GFM1: variants seen among roughly 807,000 people sequenced by gnomAD.
GFM1 encodes elongation factor G, mitochondrial.
GFM1 carries 62 observed loss-of-function variants against 96.2 expected under a neutral mutation model. The observed-to-expected ratio is 0.64, with a 90% confidence interval of 0.53 to 0.80. The LOEUF (loss-of-function observed/expected upper bound fraction) is 0.80. Ranked by LOEUF, GFM1 falls within the 30% of genes least tolerant of loss-of-function variation. The pLI is 0.00. For synonymous variants in GFM1, 282 were observed against 312.9 expected (o/e 0.90, Z 1.04); for missense variants, 852 against 916.6 (o/e 0.93, Z 0.91).
intron 8 of GFM1, among the ~76,000 whole-genome samples, chr3:158,658,040 C>G (rs1379145610): frequency 6.6e-6 from 1 of 151,768 alleles, no homozygotes; most frequent in African/African-American, 2.4e-5. Flanking sequence ...TTTAAAATTT[C>G]CTGTTGGGAT....
At chr3:158,665,774 C>T (rs548853538) in intron 12 of GFM1, among the ~76,000 whole-genome samples, 1 of 152,276 alleles carries the variant, frequency 6.6e-6, no homozygotes, top group South Asian at 2.1e-4. Context: ...AAATCCTGGT[C>T]CAAGCCTTAG....
At chr3:158,654,339 A>G (rs1393949311) in intron 7 of GFM1, among the ~76,000 whole-genome samples, 2 of 147,864 alleles carry the variant, frequency 1.4e-5, no homozygotes, top group African/African-American at 5.0e-5. Context: ...TCTGTTTCCC[A>G]AAGTGTGGGC....
chr3:158,646,882 TCTAA>T lies in GFM1; in HGVS notation c.510_513del (p.Thr171LeufsTer19). 6.2e-7 allele frequency: 1 copy of T among 1,614,154 alleles called. No individual in the cohort carries two copies. Among genetic ancestry groups the T allele is most frequent in the Non-Finnish European group, 8.5e-7 (1 of 1,180,044 alleles). Reference sequence around the variant, plus strand: ...AGATGAAGCGCTACAACGTTCCGTTTCTAACTTTTATTAACAAATTGGACCGAAT... The same window carrying T: ...AGATGAAGCGCTACAACGTTCCGTTTCTTTTATTAACAAATTGGACCGAAT... On this transcript the variant is annotated frameshift_variant, in exon 4 of 18. Coordinates refer to ENST00000486715, the MANE Select transcript of GFM1 (RefSeq NM_024996.7). LOFTEE classifies it high-confidence loss of function.
chr3:158,653,506 ACTTT>A, intron 7 of GFM1, 39 bp downstream of exon 7: 7 of 1,481,556 alleles, frequency 4.7e-6, no homozygotes, highest in Non-Finnish European at 4.7e-6. Context: ...ATGCAGAAAT[ACTTT>A]CGTATTTATG....
chr3:158,654,463 GATA>G, intron 7 of GFM1, 81 bp from the exon 8 acceptor site: 3 of 889,078 alleles, frequency 3.4e-6, no homozygotes. Context: ...CTTTTTCTCA[GATA>G]ATACTTCCTG....
chr3:158,660,699 T>C, intron 9 of GFM1, 175 bp from the exon 10 acceptor site: 1 of 629,312 alleles, frequency 1.6e-6, no homozygotes, highest in Non-Finnish European at 2.8e-6. Flanking sequence ...TAAAAATACG[T>C]CTTAGCATGG....
chr3:158,654,478 T>G, intron 7 of GFM1, 69 bp from the exon 8 acceptor site: 5 of 969,194 alleles, frequency 5.2e-6, no homozygotes, highest in Non-Finnish European at 8.0e-6. Flanking sequence ...TACTTCCTGA[T>G]GAAATAAATT....
chr3:158,669,633 T>C, intron 13 of GFM1: 5 of 1,600,306 alleles, frequency 3.1e-6, no homozygotes, highest in African/African-American at 1.3e-5. Flanking sequence ...TAGCAAAATA[T>C]CCTTATATAC....
intron 7 of GFM1, among the ~76,000 whole-genome samples, chr3:158,654,205 CTTTTTTTTTTTTT>C (rs551796824): frequency 1.2e-5 from 1 of 85,974 alleles, no homozygotes; most frequent in Non-Finnish European, 2.0e-5. Context: ...CTCTAAAGAC[CTTTTTTTTTTTTT>C]TTTTTTTTTT....
intron 11 of GFM1, among the ~76,000 whole-genome samples, chr3:158,663,562 T>C (rs1426631356): frequency 6.6e-6 from 1 of 152,208 alleles, no homozygotes; most frequent in East Asian, 1.9e-4. Flanking sequence ...GCAGGAAATA[T>C]TAAATTTCTC....
intron 5 of GFM1, chr3:158,650,022 T>A: frequency 6.5e-7 from 1 of 1,536,018 alleles, no homozygotes; most frequent in Non-Finnish European, 8.7e-7. Context: ...CTGAGGGATT[T>A]CCTTCCTCTG....
intron 6 of GFM1, among the ~76,000 whole-genome samples, chr3:158,652,775 C>T (rs920464338): frequency 3.9e-5 from 6 of 152,122 alleles, no homozygotes; most frequent in African/African-American, 1.4e-4. Context: ...TTAAATGTTT[C>T]GTAATAGAGC....
intron 13 of GFM1, among the ~76,000 whole-genome samples, chr3:158,675,285 CAAAAAAAAAAAAAAA>C (rs1172885215): frequency 0.032 from 1,710 of 52,764 alleles, 73 homozygotes; most frequent in African/African-American, 0.11. Flanking sequence ...GACTCCATCT[CAAAAAAAAAAAAAAA>C]AAAAAAAAAA....
chr3:158,644,779 A>G lies in GFM1; in HGVS notation c.81+64A>G, dbSNP rs141179055. The stretch of plus-strand genomic sequence containing the variant: ...GGAACCTTGTGATCCCTTCTGGGCA[A>G]TGGAAGGCCGTGACACCCCCTGGGT... On this transcript the variant is annotated intron_variant, in intron 1 of 17. Coordinates refer to ENST00000486715, the MANE Select transcript of GFM1 (RefSeq NM_024996.7). 6.4e-4 allele frequency: 892 copies of G among 1,392,936 alleles called. 8 individuals are homozygous for G. The African/African-American group carries it at 0.01, about 16-fold the overall frequency. The allele number at this position is 1,392,936 out of a possible 1,614,324, so 86.3% of individuals were successfully genotyped here.
chr3:158,684,180 AAC>A (rs1278327663), intron 14 of GFM1, among the ~76,000 whole-genome samples: 1 of 152,170 alleles, frequency 6.6e-6, no homozygotes, highest in African/African-American at 2.4e-5. Context: ...AGAGGGGAAC[AAC>A]ACACACTGGA....
At chr3:158,681,913 A>G in intron 13 of GFM1, 82 bp from the exon 14 acceptor site, 1 of 1,122,126 alleles carries the variant, frequency 8.9e-7, no homozygotes, top group East Asian at 2.6e-5. Context: ...AAATAATCAA[A>G]TGTGTTCTTT....
rs764772830 is a variant in GFM1, at chr3:158,684,573, C to G, written c.1814C>G (p.Ser605Cys). The change falls in exon 15 of 18, where the codon TCT (serine) becomes TGT (cysteine). Residue 605 changes from serine (S) to cysteine (C), a missense_variant. Physicochemically the swap from Ser to Cys is moderately radical, Grantham distance 112. Coordinates refer to ENST00000486715, the MANE Select transcript of GFM1 (RefSeq NM_024996.7). ...GGCCCTCTTTCTGGTCACAAGCTCT[C>G]TGGGCTCCGGTTTGTCCTGCAAGAT... ...EKGPLSGHKL[S>C]GLRFVLQDGA... The G allele has an allele frequency of 1.2e-6, 2 of 1,614,084 alleles. No homozygotes were observed. Among genetic ancestry groups the G allele is most frequent in the Admixed American group, 3.3e-5 (2 of 60,006 alleles).
intron 13 of GFM1, among the ~76,000 whole-genome samples, chr3:158,681,774 C>T (rs1404064535): frequency 1.3e-5 from 2 of 152,146 alleles, no homozygotes; most frequent in Non-Finnish European, 2.9e-5. Context: ...TGAAATTTAT[C>T]TGTATATTAC....
At chr3:158,687,240 G>A (rs1725937913) in intron 15 of GFM1, among the ~76,000 whole-genome samples, 1 of 151,920 alleles carries the variant, frequency 6.6e-6, no homozygotes, top group Non-Finnish European at 1.5e-5. Context: ...CAAACTCCTG[G>A]GCTCAAGCGA....
Sources: gnomAD v4.1 joint callset for allele counts (sites outside exome capture counted in the v4.1 genomes callset) on GRCh38, gnomAD v4.1.1 for gene constraint, MANE v1.5 for transcripts, NCBI Gene and HGNC (gene_info 2026-07-23, HGNC 2026-07-21) for gene names.